The following PLCH2 variants were observed in gnomAD, a reference collection of about 807,000 sequenced individuals.
The protein encoded by PLCH2 is 1-phosphatidylinositol 4,5-bisphosphate phosphodiesterase eta-2.
Under a neutral mutation model 134.7 loss-of-function variants are expected in PLCH2, and 98 were observed. That is an observed-to-expected ratio of 0.73 (90% CI 0.62 to 0.86). PLCH2 has a LOEUF of 0.86. PLCH2 is among the 40% of genes least tolerant of loss of function. PLCH2 has a pLI of 0.00. For missense variants in PLCH2, 1,994 were observed against 1,986.6 expected (o/e 1.00, Z -0.07); for synonymous variants, 974 against 827.5 (o/e 1.18, Z -3.04).
intron 19 of PLCH2, 43 bp from the exon 20 acceptor site, chr1:2,499,598 G>C (rs538581790): frequency 7.0e-7 from 1 of 1,431,866 alleles, no homozygotes; most frequent in African/African-American, 1.4e-5. Flanking sequence ...GGGGGCCCTG[G>C]GAGGCTGTGA....
chr1:2,475,061 C>A (rs1403263888), upstream of PLCH2, among the ~76,000 whole-genome samples: 1 of 152,114 alleles, frequency 6.6e-6, no homozygotes, highest in Non-Finnish European at 1.5e-5. Context: ...TGTGACGGGG[C>A]CCCTGGTGGG....
chr1:2,492,524 A>G, intron 11 of PLCH2: 1 of 152,332 alleles, frequency 6.6e-6, no homozygotes, highest in Non-Finnish European at 1.5e-5. Context: ...CTGCAGGAGG[A>G]GGAGGGGCTC....
intron 11 of PLCH2, among the ~76,000 whole-genome samples, chr1:2,491,734 C>T (rs1333600064): frequency 1.3e-5 from 2 of 152,248 alleles, no homozygotes; most frequent in Admixed American, 6.5e-5. Flanking sequence ...CCTGCGGTCA[C>T]AGAGCCTCCT....
At chr1:2,464,563 C>T (rs61317976), upstream of PLCH2, among the ~76,000 whole-genome samples, 3,039 of 152,270 alleles carry the variant, frequency 0.02, 95 homozygotes, top group African/African-American at 0.069. Flanking sequence ...GGAGATGAGA[C>T]GTGAAGGAAC....
upstream of PLCH2, among the ~76,000 whole-genome samples, chr1:2,476,009 C>T (rs528246964): frequency 1.1e-3 from 173 of 152,318 alleles, no homozygotes; most frequent in South Asian, 2.1e-3. Flanking sequence ...CTGTGGTGGG[C>T]GCACAGCGGG....
chr1:2,493,594 C>T (rs1445615927), intron 11 of PLCH2: 1 of 152,306 alleles, frequency 6.6e-6, no homozygotes, highest in Non-Finnish European at 1.5e-5. Flanking sequence ...CGTCCAATCC[C>T]ATCCTGGCTC....
At chr1:2,487,753 G>A in intron 8 of PLCH2, 35 bp downstream of exon 8, 1 of 1,602,552 alleles carries the variant, frequency 6.2e-7, no homozygotes, top group South Asian at 1.1e-5. Flanking sequence ...TGGCCCCAGA[G>A]GTGGGCAGGG....
At chr1:2,471,551 G>A (rs180845001), upstream of PLCH2, among the ~76,000 whole-genome samples, 2 of 152,372 alleles carry the variant, frequency 1.3e-5, no homozygotes, top group Admixed American at 1.3e-4. Flanking sequence ...GATGACAGAA[G>A]AAAGGTGTCT....
chr1:2,466,962 G>GC (rs1195967752), upstream of PLCH2, among the ~76,000 whole-genome samples: 2 of 152,130 alleles, frequency 1.3e-5, no homozygotes, highest in African/African-American at 2.4e-5. Context: ...AACGCTGGAC[G>GC]CCCCCCAGGG....
chr1:2,500,429 C>CCCCCAGGCTGCAGGGCT (rs1260687060), intron 20 of PLCH2: 5 of 152,884 alleles, frequency 3.3e-5, no homozygotes, highest in African/African-American at 1.2e-4. Context: ...TGTTCCTCGT[C>CCCCCAGGCTGCAGGGCT]CCCCAGGCTG....
Position 2,495,553 on chromosome 1 carries a change from G to A in PLCH2, c.1818G>A (p.Pro606=), listed in dbSNP as rs1213474395. 1.5e-5 allele frequency: 24 copies of A among 1,549,672 alleles called. No homozygotes were observed. Among genetic ancestry groups the A allele is most frequent in the South Asian group, 3.6e-5 (3 of 83,844 alleles). ...VEEGDEGQDS[P]GGQSRGATRQ... is the part of the protein sequence containing the mutation. ...AGGGAGATGAGGGTCAGGACTCCCC[G>A]GGAGGCCAGAGCCGAGGGTAGGTGC... The change falls in exon 13 of 22, where the codon CCG becomes CCA. Residue 606 remains proline (P), a synonymous_variant. Coordinates refer to ENST00000378486, the MANE Select transcript of PLCH2 (RefSeq NM_014638.4).
At chr1:2,471,178 ACGG>A (rs1332681992) in intron 1 of PLCH2, among the ~76,000 whole-genome samples, 2 of 151,898 alleles carry the variant, frequency 1.3e-5, no homozygotes, top group Non-Finnish European at 2.9e-5. Context: ...ATGGCTGGGG[ACGG>A]CGAGGGGGCA....
chr1:2,484,641 T>TG, intron 5 of PLCH2, 23 bp downstream of exon 5: 1 of 1,606,196 alleles, frequency 6.2e-7, no homozygotes. Context: ...GGGCAGGTGT[T>TG]GGGGGGCCAG....
intron 2 of PLCH2, among the ~76,000 whole-genome samples, chr1:2,435,755 G>T (rs1639299252): frequency 6.6e-6 from 1 of 151,970 alleles, no homozygotes; most frequent in South Asian, 2.1e-4. Context: ...ATGAACTGTG[G>T]GCAGCTGGGG....
At chr1:2,492,816 C>T (rs1284217833) in intron 11 of PLCH2, among the ~76,000 whole-genome samples, 2 of 152,136 alleles carry the variant, frequency 1.3e-5, no homozygotes, top group Non-Finnish European at 2.9e-5. Context: ...GGTGTCCCCT[C>T]TGCCCATGAA....
At chr1:2,450,179 C>G (rs887004336) in intron 2 of PLCH2, among the ~76,000 whole-genome samples, 3 of 152,184 alleles carry the variant, frequency 2.0e-5, no homozygotes, top group African/African-American at 7.2e-5. Flanking sequence ...TTGGCTGGGC[C>G]TCGACGGGGG....
the PLCH2 span, among the ~76,000 whole-genome samples, chr1:2,416,181 G>A: frequency 1.3e-5 from 2 of 152,228 alleles, no homozygotes; most frequent in Non-Finnish European, 2.9e-5. Flanking sequence ...CGGTCGCTCA[G>A]GACCCCGAGG....
At chr1:2,463,654 G>T (rs756445090), upstream of PLCH2, among the ~76,000 whole-genome samples, 3 of 152,188 alleles carry the variant, frequency 2.0e-5, no homozygotes, top group Non-Finnish European at 4.4e-5. Flanking sequence ...CAGAGCCCGC[G>T]ACCCGAGAAC....
rs1557969810 is a variant in PLCH2, at chr1:2,459,491, GGTGGTCCTCCTTCCTGGTGGTCCTCCTTC to G, written c.116-18984_116-18956del. On this transcript the variant is annotated intron_variant, in intron 2 of 3. Transcript: ENST00000609981. Reference sequence around the variant, plus strand: ...CTCCTTCCTGGTGGTCCTCCTTCCTGGTGGTCCTCCTTCCTGGTGGTCCTCCTTCCTGGTGGTCCTCCTTCCTGGTGGTC... The same window carrying G: ...CTCCTTCCTGGTGGTCCTCCTTCCTGCTGGTGGTCCTCCTTCCTGGTGGTC... Among the ~76,000 whole-genome samples, 93 of 69,470 alleles carry G rather than the reference GGTGGTCCTCCTTCCTGGTGGTCCTCCTTC, an allele frequency of 1.3e-3. 15 individuals carry two copies. The Middle Eastern group carries it at 0.041, about 31-fold the overall frequency. The allele number at this position is 69,470 out of a possible 152,430, so 45.6% of individuals were successfully genotyped here. A position where few individuals can be genotyped will look rare whatever the true frequency, so the allele number is the denominator to read the frequency against.
Sources: gnomAD v4.1 joint callset for allele counts (sites outside exome capture counted in the v4.1 genomes callset) on GRCh38, gnomAD v4.1.1 for gene constraint, MANE v1.5 for transcripts, NCBI Gene and HGNC (gene_info 2026-07-23, HGNC 2026-07-21) for gene names.